Variants in MTMR7 observed in about 807,000 individuals in gnomAD.
The protein encoded by MTMR7 is myotubularin related protein 7, also known as phosphatidylinositol-3-phosphate phosphatase MTMR7.
A neutral mutation model predicts 81.2 loss-of-function variants in MTMR7; 76 were observed. The ratio of observed to expected loss-of-function variants is 0.94; its 90% CI spans 0.78 to 1.13. MTMR7 has a LOEUF of 1.13. Ranked by LOEUF, MTMR7 falls within the 50% of genes most tolerant of loss-of-function variation. The probability of loss-of-function intolerance (pLI) is 0.00; values close to 1 mark genes in which losing one functional copy is unlikely to be tolerated. For missense variants in MTMR7, 1,044 were observed against 820.0 expected, an observed-to-expected ratio of 1.27 and a Z score of -3.34; for synonymous variants, 372 against 289.8, an observed-to-expected ratio of 1.28 and a Z score of -2.88.
At chr8:17,398,104 G>C (rs1821316196) in intron 1 of MTMR7, among the ~76,000 whole-genome samples, 2 of 152,174 alleles carry the variant, frequency 1.3e-5, no homozygotes, top group South Asian at 4.1e-4. Flanking sequence ...ACACTGCAAA[G>C]ACTACAATAA....
chr8:17,298,960 A>C lies in MTMR7; in HGVS notation c.*902T>G, dbSNP rs1000224113. On this transcript the variant is annotated 3_prime_UTR_variant, in exon 14 of 14. Coordinates refer to ENST00000180173, the MANE Select transcript of MTMR7 (RefSeq NM_004686.5). ...CTTCATTAAACAGACATGACAACCCAATTCTCTGGTTCTTGAAACTGGATT... is the reference window on the plus strand; with the variant it reads ...CTTCATTAAACAGACATGACAACCCCATTCTCTGGTTCTTGAAACTGGATT... 2 of 152,192 alleles carry C rather than the reference A, an allele frequency of 1.3e-5. No homozygotes were observed. The highest frequency in any genetic ancestry group is 4.8e-5 in the African/African-American group (2 of 41,462). The allele number at this position is 152,192 out of a possible 1,614,324, so 9.4% of individuals were successfully genotyped here.
At chr8:17,312,341 G>A (rs937268044) in intron 8 of MTMR7, among the ~76,000 whole-genome samples, 7 of 152,216 alleles carry the variant, frequency 4.6e-5, no homozygotes, top group East Asian at 3.9e-4. Context: ...TTGGGAGGCC[G>A]TGGCGGGTGG....
intron 10 of MTMR7, among the ~76,000 whole-genome samples, chr8:17,308,740 G>A (rs1248407855): frequency 1.3e-5 from 2 of 152,148 alleles, no homozygotes; most frequent in Non-Finnish European, 2.9e-5. Flanking sequence ...ACAGATGAGA[G>A]ACCAAAGGTC....
intron 4 of MTMR7, among the ~76,000 whole-genome samples, chr8:17,360,491 C>A (rs1378745917): frequency 2.7e-5 from 4 of 149,794 alleles, no homozygotes; most frequent in Admixed American, 2.0e-4. Flanking sequence ...TTTTTTTTTC[C>A]TTTTGTAAAC....
In MTMR7 at chr8:17,305,894, A is replaced by G. The variant is rs956709877; in HGVS notation, c.1215T>C (p.Cys405=). 1.2e-6 allele frequency: 2 copies of G among 1,613,688 alleles called. No individual in the cohort carries two copies. The highest frequency in any genetic ancestry group is 1.7e-6 in the Non-Finnish European group (2 of 1,179,780). The change falls in exon 11 of 14, where the codon TGT becomes TGC. Residue 405 remains cysteine (C), a synonymous_variant. Transcript: ENST00000180173. ...GAAATTGTTCCATTAACTGCCAAACACACTCAATGAACTGGTCAATAACTG... is the reference window on the plus strand; with the variant it reads ...GAAATTGTTCCATTAACTGCCAAACGCACTCAATGAACTGGTCAATAACTG... The part of the protein sequence containing the change: ...ISPVIDQFIE[C]VWQLMEQFPC...
rs1346834186 is a variant in MTMR7 at position 17,299,811 on chromosome 8, T to C, written c.*51A>G. 1.1e-5 allele frequency: 17 copies of C among 1,593,208 alleles called. No homozygotes were observed. Among genetic ancestry groups the C allele is most frequent in the Non-Finnish European group, 1.5e-5 (17 of 1,167,994 alleles). Reference sequence around the variant, plus strand: ...CAATAAACCACCTTGTTCCCTTGTTTTTGGAAGTGTTGCTTATGTGTCCTT... The same window carrying C: ...CAATAAACCACCTTGTTCCCTTGTTCTTGGAAGTGTTGCTTATGTGTCCTT... On this transcript the variant is annotated 3_prime_UTR_variant, in exon 14 of 14. Coordinates refer to ENST00000180173, the MANE Select transcript of MTMR7 (RefSeq NM_004686.5).
In MTMR7 at chr8:17,297,771, G is replaced by C. The variant is rs1186416642; in HGVS notation, c.*2091C>G. 6.6e-6 allele frequency: 1 copy of C among 151,988 alleles called. No individual in the cohort carries two copies. Among genetic ancestry groups the C allele is most frequent in the East Asian group, 1.9e-4 (1 of 5,194 alleles). The allele number at this position is 151,988 out of a possible 1,614,324, so 9.4% of individuals were successfully genotyped here. A position where few individuals can be genotyped will look rare whatever the true frequency, so the allele number is the denominator to read the frequency against. The stretch of plus-strand genomic sequence containing the variant: ...CTTGTTGGGTTAGCCATGCTCTGAA[G>C]AATCTGTGAAAGTACAGTAAAGTTT... On this transcript the variant is annotated 3_prime_UTR_variant, in exon 14 of 14. Transcript: ENST00000180173.
At position 17,371,022 on chromosome 8, in the gene MTMR7, G is replaced by A. The variant is rs142482380; in HGVS notation, c.310+15C>T. 2,186 of 1,600,744 alleles carry A rather than the reference G, an allele frequency of 1.4e-3. 33 individuals carry two copies. In the East Asian group the frequency reaches 0.036, roughly 26 times the overall value. ...AGAGAGGTTCCATATTAAATGCCGAGTTCCTCTGCCCTACCTGGCCTTGCA... is the reference window on the plus strand; with the variant it reads ...AGAGAGGTTCCATATTAAATGCCGAATTCCTCTGCCCTACCTGGCCTTGCA... On this transcript the variant is annotated intron_variant, in intron 3 of 13. Transcript: ENST00000180173.
At position 17,376,135 on chromosome 8, in the gene MTMR7, T is replaced by G. The variant is rs147603367; in HGVS notation, c.25-2895A>C. On this transcript the variant is annotated intron_variant, in intron 1 of 13. Transcript: ENST00000180173. ...CAATTTACCCTCTGTCTCTATAGAT[T>G]TGCCTATTCTGAACATTTTGTATAA... Among the ~76,000 whole-genome samples the G allele has an allele frequency of 6.0e-3, 907 of 152,334 alleles. 11 individuals are homozygous for G. The highest frequency in any genetic ancestry group is 0.021 in the African/African-American group (867 of 41,570).
At chr8:17,370,939 G>T in intron 3 of MTMR7, 98 bp downstream of exon 3, 2 of 1,226,874 alleles carry the variant, frequency 1.6e-6, no homozygotes, top group Non-Finnish European at 2.3e-6. Context: ...CATAATCCCT[G>T]AACCCCTATC....
intron 1 of MTMR7, among the ~76,000 whole-genome samples, chr8:17,410,218 G>A (rs1804283685): frequency 6.6e-6 from 1 of 152,140 alleles, no homozygotes. Context: ...ACATTTGCAA[G>A]GTCTGTTTTG....
intron 10 of MTMR7, among the ~76,000 whole-genome samples, chr8:17,306,899 A>G (rs556706046): frequency 1.4e-5 from 2 of 146,488 alleles, no homozygotes; most frequent in East Asian, 2.1e-4. Flanking sequence ...AAGATGGATT[A>G]AAGACTTAAA....
chr8:17,318,413 A>C (rs1476544076), intron 7 of MTMR7, among the ~76,000 whole-genome samples: 1 of 152,076 alleles, frequency 6.6e-6, no homozygotes, highest in African/African-American at 2.4e-5. Context: ...CAGAGGAAAA[A>C]AGGTACAGGA....
intron 3 of MTMR7, among the ~76,000 whole-genome samples, chr8:17,364,205 A>ATT (rs1053738681): frequency 1.3e-5 from 2 of 148,490 alleles, no homozygotes; most frequent in African/African-American, 2.5e-5. Context: ...AATTTTTTGC[A>ATT]TTTTTTTTTA....
At chr8:17,340,895 ATT>A (rs1223319220) in intron 6 of MTMR7, among the ~76,000 whole-genome samples, 1 of 152,136 alleles carries the variant, frequency 6.6e-6, no homozygotes, top group Admixed American at 6.5e-5. Flanking sequence ...ATATTTTTTA[ATT>A]TACCTTATAT....
chr8:17,366,887 A>AAAAAAAAAAACAAAC (rs1554515170), intron 3 of MTMR7, among the ~76,000 whole-genome samples: 1,519 of 146,090 alleles, frequency 0.01, 143 homozygotes, highest in African/African-American at 0.036. Context: ...CTCCATCTCA[A>AAAAAAAAAAACAAAC]AAAAAAAAAA....
chr8:17,369,326 A>G (rs1192594431), intron 3 of MTMR7, among the ~76,000 whole-genome samples: 1 of 152,230 alleles, frequency 6.6e-6, no homozygotes, highest in Non-Finnish European at 1.5e-5. Flanking sequence ...GCCTTTAAAG[A>G]GTAACAGTGC....
rs1820100848 is a variant in MTMR7 at position 17,362,913 on chromosome 8, G to T, written c.311-1639C>A. ...CATCTGCATGGAAGAGGAAAGATAAGGGTCATATTTTAAGCACCAGATTTC... is the reference window on the plus strand; with the variant it reads ...CATCTGCATGGAAGAGGAAAGATAATGGTCATATTTTAAGCACCAGATTTC... On this transcript the variant is annotated intron_variant, in intron 3 of 13. Coordinates refer to ENST00000180173, the MANE Select transcript of MTMR7 (RefSeq NM_004686.5). Among the ~76,000 whole-genome samples the T allele has an allele frequency of 2.0e-5, 3 of 152,212 alleles. No homozygotes were observed. The South Asian group carries it at 6.2e-4, about 32-fold the overall frequency.
chr8:17,386,082 T>C (rs1259225037), intron 1 of MTMR7, among the ~76,000 whole-genome samples: 1 of 152,128 alleles, frequency 6.6e-6, no homozygotes, highest in Non-Finnish European at 1.5e-5. Flanking sequence ...AGACTATTTA[T>C]CAGACTCTCC....
Sources: gnomAD v4.1 joint callset for allele counts (sites outside exome capture counted in the v4.1 genomes callset) on GRCh38, gnomAD v4.1.1 for gene constraint, MANE v1.5 for transcripts, NCBI Gene and HGNC (gene_info 2026-07-23, HGNC 2026-07-21) for gene names.